The following TRAPPC9 variants were observed in gnomAD, a reference collection of about 807,000 sequenced individuals.
The protein encoded by TRAPPC9 is IKK2 binding protein.
Under a neutral mutation model 124.0 loss-of-function variants are expected in TRAPPC9, and 83 were observed. The ratio of observed to expected loss-of-function variants is 0.67; its 90% CI spans 0.56 to 0.80. TRAPPC9 has a LOEUF of 0.80. Among genes scored for constraint, TRAPPC9 ranks in the 30% least tolerant of loss-of-function variants. The probability of loss-of-function intolerance (pLI) is 0.00; values close to 1 mark genes in which losing one functional copy is unlikely to be tolerated. For synonymous variants in TRAPPC9, 638 were observed against 617.5 expected, an observed-to-expected ratio of 1.03 and a Z score of -0.49; for missense variants, 1,302 against 1,508.3, an observed-to-expected ratio of 0.86 and a Z score of 2.27.
intron 21 of TRAPPC9, among the ~76,000 whole-genome samples, chr8:139,809,529 T>C (rs1824291694): frequency 6.6e-6 from 1 of 152,188 alleles, no homozygotes; most frequent in Non-Finnish European, 1.5e-5. Flanking sequence ...GGCAATCGCC[T>C]CCGACTTCAG....
At chr8:140,415,693 G>T (rs1274729571) in intron 5 of TRAPPC9, among the ~76,000 whole-genome samples, 1 of 152,056 alleles carries the variant, frequency 6.6e-6, no homozygotes, top group Non-Finnish European at 1.5e-5. Flanking sequence ...AACAGGCCAG[G>T]TGCAGTGGCT....
At chr8:140,293,983 T>C (rs1438304657) in intron 11 of TRAPPC9, among the ~76,000 whole-genome samples, 1 of 152,072 alleles carries the variant, frequency 6.6e-6, no homozygotes, top group African/African-American at 2.4e-5. Context: ...CACAATGCAG[T>C]GAATGGCCAC....
chr8:139,756,593 T>G (rs1415198422), intron 21 of TRAPPC9, among the ~76,000 whole-genome samples: 374 of 46,066 alleles, frequency 8.1e-3, no homozygotes, highest in Middle Eastern at 0.017. Flanking sequence ...CGGGATGGGG[T>G]ATAAGGACAG....
At position 140,039,124 on chromosome 8, in the gene TRAPPC9, T is replaced by C. The variant is rs534717566; in HGVS notation, c.2557-15045A>G. On this transcript the variant is annotated intron_variant, in intron 17 of 22. Coordinates refer to ENST00000438773, the MANE Select transcript of TRAPPC9 (RefSeq NM_001160372.4). ...TTAGCCCTACGCTACTGTACCTTCATTGCAGTGCTAATAGCATTCTAGCCT... is the reference window on the plus strand; with the variant it reads ...TTAGCCCTACGCTACTGTACCTTCACTGCAGTGCTAATAGCATTCTAGCCT... Among the ~76,000 whole-genome samples the C allele has an allele frequency of 3.3e-5, 5 of 152,262 alleles. No homozygotes were observed. In the South Asian group the frequency reaches 8.3e-4, roughly 25 times the overall value.
intron 10 of TRAPPC9, among the ~76,000 whole-genome samples, chr8:140,306,601 C>T (rs2066144240): frequency 1.3e-5 from 2 of 151,914 alleles, no homozygotes; most frequent in African/African-American, 2.4e-5. Context: ...GCATGAAAAG[C>T]GAATCTGGAC....
At position 140,221,717 on chromosome 8, in the gene TRAPPC9, A is replaced by T; in HGVS notation, c.2432-134T>A. ...CAGTGGTGCAATCTCTGCTCACTGCAACCTTTGCCTCCTGGGCTCTGGTGA... is the reference window on the plus strand; with the variant it reads ...CAGTGGTGCAATCTCTGCTCACTGCTACCTTTGCCTCCTGGGCTCTGGTGA... On this transcript the variant is annotated intron_variant, in intron 16 of 22. Transcript: ENST00000438773. 3 of 1,246,738 alleles carry T rather than the reference A, an allele frequency of 2.4e-6. No individual in the cohort carries two copies. In the South Asian group the frequency reaches 3.9e-5, roughly 16 times the overall value. The allele number at this position is 1,246,738 out of a possible 1,614,324, so 77.2% of individuals were successfully genotyped here.
intron 21 of TRAPPC9, among the ~76,000 whole-genome samples, chr8:139,746,804 C>T (rs1460803536): frequency 6.6e-6 from 1 of 152,220 alleles, no homozygotes; most frequent in African/African-American, 2.4e-5. Context: ...CGCTGCTGTG[C>T]CCACGGCCAC....
chr8:139,883,548 C>T (rs991494056), intron 21 of TRAPPC9, among the ~76,000 whole-genome samples: 4 of 152,222 alleles, frequency 2.6e-5, no homozygotes, highest in Admixed American at 6.5e-5. Context: ...TGGGGCCAAA[C>T]CAACTTCCTA....
rs1842754624 is a variant in TRAPPC9 at position 140,063,618 on chromosome 8, C to CTAGTGTGAGTA, written c.2557-39540_2557-39539insTACTCACACTA. On this transcript the variant is annotated intron_variant, in intron 17 of 22. Transcript: ENST00000438773. This position sits in a 1 kb window ranked among gnomAD's most constrained non-coding sequence, Gnocchi z 4.3. ...ATTTTGATAATCAGTAAAAACAGTACCTGAGTACTAGTCACACTATAAGAT... is the reference window on the plus strand; with the variant it reads ...ATTTTGATAATCAGTAAAAACAGTACTAGTGTGAGTACTGAGTACTAGTCACACTATAAGAT... Among the ~76,000 whole-genome samples the CTAGTGTGAGTA allele has an allele frequency of 4.6e-5, 7 of 152,274 alleles. No individual in the cohort carries two copies. In the East Asian group the frequency reaches 1.3e-3, roughly 29 times the overall value.
intron 17 of TRAPPC9, among the ~76,000 whole-genome samples, chr8:140,218,017 CA>C (rs34589290): frequency 9.7e-4 from 135 of 139,378 alleles, no homozygotes; most frequent in South Asian, 2.4e-3. Flanking sequence ...ACTCTGTCTC[CA>C]AAAAAAAAAA....
chr8:140,344,889 G>A (rs1007134873), intron 9 of TRAPPC9, among the ~76,000 whole-genome samples: 3 of 152,262 alleles, frequency 2.0e-5, no homozygotes, highest in African/African-American at 4.8e-5. Flanking sequence ...GTGCTATGGC[G>A]TGAAGCCGTG....
At chr8:139,941,676 C>T (rs2665946) in intron 19 of TRAPPC9, among the ~76,000 whole-genome samples, 107,426 of 152,108 alleles carry the variant, frequency 0.71, 38,084 homozygotes, top group East Asian at 0.76. Context: ...GCCCAGACAG[C>T]GTGACTGTAA....
intron 16 of TRAPPC9, among the ~76,000 whole-genome samples, chr8:140,250,649 C>CT (rs1276988729): frequency 8.5e-5 from 13 of 152,160 alleles, no homozygotes; most frequent in Admixed American, 7.9e-4. Flanking sequence ...TCGTGCCTAC[C>CT]TTTTCCTCCA....
rs576954854 is a variant in TRAPPC9 at position 139,932,125 on chromosome 8, G to T, written c.2811-21825C>A. Reference sequence around the variant, plus strand: ...GTGTTGATGTGCGGCTGAGGGCGGGGTGCTGGCCCAAAGGCAGGGCTTTGG... The same window carrying T: ...GTGTTGATGTGCGGCTGAGGGCGGGTTGCTGGCCCAAAGGCAGGGCTTTGG... On this transcript the variant is annotated intron_variant, in intron 19 of 22. Transcript: ENST00000438773. 3.9e-5 allele frequency: 14 copies of T among 360,334 alleles called. No homozygotes were observed. The East Asian group carries it at 8.8e-4, about 23-fold the overall frequency. 22.3% of individuals were successfully genotyped at this position (360,334 alleles called of 1,614,324 possible).
chr8:140,341,680 A>G (rs964929717), intron 9 of TRAPPC9, among the ~76,000 whole-genome samples: 42 of 140,782 alleles, frequency 3.0e-4, no homozygotes, highest in East Asian at 2.0e-4. Context: ...TACGCATGGG[A>G]AAAAAAAAAA....
intron 20 of TRAPPC9, among the ~76,000 whole-genome samples, chr8:139,906,787 G>A (rs1180580477): frequency 6.6e-6 from 1 of 152,118 alleles, no homozygotes; most frequent in Admixed American, 6.6e-5. Context: ...AGCTGCTCAC[G>A]CAGTGGCTCC....
chr8:140,133,647 A>G (rs1249249806), intron 17 of TRAPPC9, among the ~76,000 whole-genome samples: 1 of 152,254 alleles, frequency 6.6e-6, no homozygotes, highest in Non-Finnish European at 1.5e-5. Context: ...ACATGAGCCT[A>G]CATTAGAAAA....
intron 21 of TRAPPC9, among the ~76,000 whole-genome samples, chr8:139,879,352 C>A (rs1434493329): frequency 6.6e-6 from 1 of 152,198 alleles, no homozygotes; most frequent in East Asian, 1.9e-4. Context: ...GTGGACCCTG[C>A]ACCACACGTG....
chr8:139,852,364 G>A (rs189124228), intron 21 of TRAPPC9, among the ~76,000 whole-genome samples: 41 of 152,240 alleles, frequency 2.7e-4, no homozygotes, highest in Non-Finnish European at 3.5e-4. Context: ...ACTAGTGTGC[G>A]CCCATGTTAT....
Sources: gnomAD v4.1 joint callset for allele counts (sites outside exome capture counted in the v4.1 genomes callset) on GRCh38, gnomAD v4.1.1 for gene constraint, Gnocchi (gnomAD v3.1) non-coding constraint, MANE v1.5 for transcripts, NCBI Gene and HGNC (gene_info 2026-07-23, HGNC 2026-07-21) for gene names.